The following LIN28B variants were observed in gnomAD, a reference collection of about 807,000 sequenced individuals.
The protein encoded by LIN28B is lin-28 RNA binding posttranscriptional regulator B, also known as protein lin-28 homolog B.
Under a neutral mutation model 21.9 loss-of-function variants are expected in LIN28B, and 5 were observed. The ratio of observed to expected loss-of-function variants is 0.23; its 90% CI spans 0.12 to 0.48. The LOEUF is 0.48. Among genes scored for constraint, LIN28B ranks in the 20% least tolerant of loss-of-function variants. LIN28B has a pLI of 0.98. For missense variants in LIN28B, 245 were observed against 310.5 expected (o/e 0.79, Z 1.58); for synonymous variants, 109 against 111.3 (o/e 0.98, Z 0.13).
chr6:105,050,499 G>A (rs1771876820), intron 3 of LIN28B, among the ~76,000 whole-genome samples: 1 of 150,280 alleles, frequency 6.7e-6, no homozygotes, highest in South Asian at 2.1e-4. Context: ...CTACTCGGGA[G>A]GCTGAGGCAG....
At chr6:104,955,350 C>A (rs1454573688), upstream of LIN28B, among the ~76,000 whole-genome samples, 2 of 151,806 alleles carry the variant, frequency 1.3e-5, no homozygotes, top group African/African-American at 4.8e-5. Flanking sequence ...CAGGATTATT[C>A]CTCCCAAAAT....
intron 2 of LIN28B, among the ~76,000 whole-genome samples, chr6:105,016,122 C>A (rs539205707): frequency 3.8e-4 from 58 of 152,178 alleles, no homozygotes; most frequent in African/African-American, 1.3e-3. Flanking sequence ...TATTAAGTAC[C>A]TCTTATTTTC....
intron 2 of LIN28B, among the ~76,000 whole-genome samples, chr6:104,997,483 A>G (rs928268977): frequency 1.4e-4 from 22 of 151,992 alleles, no homozygotes; most frequent in African/African-American, 4.6e-4. Flanking sequence ...AACTGTATCT[A>G]TATGTATAGT....
rs922877231 is a variant in LIN28B, at chr6:105,018,495, C to T, written c.199-7803C>T. Among the ~76,000 whole-genome samples, 6 of 152,256 alleles carry T rather than the reference C, an allele frequency of 3.9e-5. No homozygotes were observed. In the South Asian group the frequency reaches 1.0e-3, roughly 26 times the overall value. The stretch of plus-strand genomic sequence containing the variant: ...AATCTCCATTAGAATCTCACTCTCT[C>T]TCCATGCACTCAAAAATACACCTCA... On this transcript the variant is annotated intron_variant, in intron 2 of 3. Coordinates refer to ENST00000345080, the MANE Select transcript of LIN28B (RefSeq NM_001004317.4).
At position 105,079,811 on chromosome 6, in the gene LIN28B, C is replaced by T. The variant is rs1009874103; in HGVS notation, c.*1028C>T. On this transcript the variant is annotated 3_prime_UTR_variant, in exon 4 of 4. Coordinates refer to ENST00000345080, the MANE Select transcript of LIN28B (RefSeq NM_001004317.4). ...TTTTTGGTGGTGGTTTTTATTCCTCCTGGAGAGTTATCTAATTTGTTTCTA... is the reference window on the plus strand; with the variant it reads ...TTTTTGGTGGTGGTTTTTATTCCTCTTGGAGAGTTATCTAATTTGTTTCTA... 9 of 152,030 alleles carry T rather than the reference C, an allele frequency of 5.9e-5. No homozygotes were observed. Among genetic ancestry groups the T allele is most frequent in the Non-Finnish European group, 1.3e-4 (9 of 68,012 alleles). 9.4% of individuals were successfully genotyped at this position (152,030 alleles called of 1,614,324 possible).
intron 3 of LIN28B, among the ~76,000 whole-genome samples, chr6:105,076,013 T>C (rs1772417773): frequency 6.6e-6 from 1 of 152,222 alleles, no homozygotes; most frequent in Non-Finnish European, 1.5e-5. Context: ...TGGGAAAATA[T>C]ATTATTATAA....
chr6:104,981,068 A>G (rs1009716067), intron 2 of LIN28B, among the ~76,000 whole-genome samples: 1 of 152,218 alleles, frequency 6.6e-6, no homozygotes, highest in African/African-American at 2.4e-5. Flanking sequence ...ATACAGTGTA[A>G]TAAAGGATGC....
At chr6:105,028,291 A>G (rs1771328166) in intron 3 of LIN28B, among the ~76,000 whole-genome samples, 1 of 152,114 alleles carries the variant, frequency 6.6e-6, no homozygotes, top group African/African-American at 2.4e-5. Flanking sequence ...GATTCTGGAG[A>G]AAATAGGAAG....
intron 2 of LIN28B, chr6:104,941,214 C>G (rs1193077670): frequency 1.3e-5 from 2 of 152,246 alleles, no homozygotes; most frequent in African/African-American, 2.4e-5. Flanking sequence ...GGTCTCGCAG[C>G]AAGTTGCGGT....
At chr6:105,063,980 C>T (rs1260457332) in intron 3 of LIN28B, among the ~76,000 whole-genome samples, 1 of 150,738 alleles carries the variant, frequency 6.6e-6, no homozygotes, top group Non-Finnish European at 1.5e-5. Context: ...CAAAATGTTT[C>T]AAGATATAGG....
chr6:105,033,191 A>G (rs1382950499), intron 3 of LIN28B, among the ~76,000 whole-genome samples: 3 of 152,156 alleles, frequency 2.0e-5, no homozygotes, highest in African/African-American at 7.2e-5. Context: ...ATTGAAAAGA[A>G]TATCCTTTTT....
At chr6:104,997,145 G>A (rs1770622042) in intron 2 of LIN28B, among the ~76,000 whole-genome samples, 1 of 151,978 alleles carries the variant, frequency 6.6e-6, no homozygotes, top group South Asian at 2.1e-4. Flanking sequence ...GCTGGGCATG[G>A]TGGCACACAC....
At chr6:105,017,832 C>G (rs1771059203) in intron 2 of LIN28B, among the ~76,000 whole-genome samples, 1 of 152,140 alleles carries the variant, frequency 6.6e-6, no homozygotes, top group South Asian at 2.1e-4. Context: ...TACCCTAAAC[C>G]TCAGCGTCAT....
chr6:105,033,752 C>CT (rs1305174255), intron 3 of LIN28B, among the ~76,000 whole-genome samples: 2 of 151,686 alleles, frequency 1.3e-5, no homozygotes, highest in Admixed American at 6.6e-5. Flanking sequence ...TTCTATAAAA[C>CT]TAGCCTATAC....
intron 2 of LIN28B, among the ~76,000 whole-genome samples, chr6:104,987,723 AT>A (rs1770375514): frequency 6.6e-6 from 1 of 152,046 alleles, no homozygotes; most frequent in Non-Finnish European, 1.5e-5. Context: ...TAATAATTTT[AT>A]TTCTTGTTTT....
At chr6:104,970,302 C>T (rs1176958582) in intron 2 of LIN28B, among the ~76,000 whole-genome samples, 1 of 152,068 alleles carries the variant, frequency 6.6e-6, no homozygotes, top group Non-Finnish European at 1.5e-5. Context: ...CTTTCAGGCC[C>T]CACCCATTAG....
chr6:105,047,437 G>T (rs1771793171), intron 3 of LIN28B, among the ~76,000 whole-genome samples: 1 of 152,168 alleles, frequency 6.6e-6, no homozygotes. Flanking sequence ...AGTATAGTTT[G>T]AAGTCAGGCA....
upstream of LIN28B, among the ~76,000 whole-genome samples, chr6:104,956,018 C>T (rs1319008454): frequency 6.6e-6 from 1 of 152,096 alleles, no homozygotes; most frequent in African/African-American, 2.4e-5. Context: ...TCCGTTGTTA[C>T]ATTTTCGTTT....
chr6:105,010,577 A>G (rs536798477), intron 2 of LIN28B, among the ~76,000 whole-genome samples: 19 of 152,296 alleles, frequency 1.2e-4, no homozygotes, highest in African/African-American at 4.1e-4. Flanking sequence ...GTTTTTGTAT[A>G]CTTTATATAA....
Sources: gnomAD v4.1 joint callset for allele counts (sites outside exome capture counted in the v4.1 genomes callset) on GRCh38, gnomAD v4.1.1 for gene constraint, MANE v1.5 for transcripts, NCBI Gene and HGNC (gene_info 2026-07-23, HGNC 2026-07-21) for gene names.